The following TOMM34 variants were observed in gnomAD, a reference collection of about 807,000 sequenced individuals.
TOMM34 encodes the protein translocase of outer mitochondrial membrane 34.
A neutral mutation model predicts 37.4 loss-of-function variants in TOMM34; 24 were observed. The ratio of observed to expected loss-of-function variants is 0.64; its 90% CI spans 0.46 to 0.90. The LOEUF (loss-of-function observed/expected upper bound fraction) is 0.90. TOMM34 is among the 40% of genes least tolerant of loss of function. TOMM34 has a pLI of 0.00. For synonymous variants in TOMM34, 154 were observed against 148.9 expected, an observed-to-expected ratio of 1.03 and a Z score of -0.25; for missense variants, 304 against 375.6, an observed-to-expected ratio of 0.81 and a Z score of 1.58.
intron 1 of TOMM34, among the ~76,000 whole-genome samples, chr20:44,958,117 C>CATGTATATATATATAT (rs1568665856): frequency 2.8e-4 from 41 of 146,422 alleles, no homozygotes; most frequent in South Asian, 1.7e-3. Flanking sequence ...TATACATGTA[C>CATGTATATATATATAT]ATGTATATAT....
At chr20:44,958,095 T>TAC (rs2067090097) in intron 1 of TOMM34, among the ~76,000 whole-genome samples, 1 of 112,772 alleles carries the variant, frequency 8.9e-6, no homozygotes. Flanking sequence ...TATATATGTA[T>TAC]ATGTATATAT....
intron 1 of TOMM34, chr20:44,958,487 C>T (rs901991634): frequency 9.1e-6 from 4 of 439,878 alleles, no homozygotes; most frequent in Middle Eastern, 3.4e-4. Context: ...CCCTGCGATC[C>T]GGACAAGTCA....
At chr20:44,949,237 ATAG>A (rs1422390384) in intron 4 of TOMM34, among the ~76,000 whole-genome samples, 1 of 152,228 alleles carries the variant, frequency 6.6e-6, no homozygotes, top group Non-Finnish European at 1.5e-5. Context: ...CACCAATAAA[ATAG>A]GGCAATACTA....
chr20:44,953,283 C>G (rs1302255498), intron 3 of TOMM34, among the ~76,000 whole-genome samples: 1 of 152,246 alleles, frequency 6.6e-6, no homozygotes, highest in East Asian at 1.9e-4. Flanking sequence ...GGCTCCTGAT[C>G]CCACTGACCA....
intron 1 of TOMM34, chr20:44,959,900 C>T (rs2067110232): frequency 4.1e-6 from 4 of 983,118 alleles, no homozygotes; most frequent in Non-Finnish European, 4.8e-6. Flanking sequence ...TCTTGTTACA[C>T]AGGCGGTATA....
At chr20:44,943,689 T>C in intron 5 of TOMM34, 110 bp from the exon 6 acceptor site, 1 of 1,480,866 alleles carries the variant, frequency 6.8e-7, no homozygotes, top group Middle Eastern at 2.4e-4. Flanking sequence ...TACTCTGTGC[T>C]GGTTACTTTA....
chr20:44,957,542 AAAAAG>A (rs2067084829), intron 1 of TOMM34, among the ~76,000 whole-genome samples: 1 of 152,174 alleles, frequency 6.6e-6, no homozygotes, highest in Admixed American at 6.5e-5. Context: ...CCATTATTTT[AAAAAG>A]AATTGAAAAC....
intron 1 of TOMM34, among the ~76,000 whole-genome samples, chr20:44,957,925 G>A (rs1161013459): frequency 6.6e-6 from 1 of 152,134 alleles, no homozygotes; most frequent in Non-Finnish European, 1.5e-5. Flanking sequence ...TTATAGGCAT[G>A]AGCTATGGCA....
intron 4 of TOMM34, among the ~76,000 whole-genome samples, chr20:44,951,181 G>A (rs1052882221): frequency 6.6e-6 from 1 of 152,126 alleles, no homozygotes; most frequent in East Asian, 1.9e-4. Flanking sequence ...AAATATGTGA[G>A]CTAGAGTTTT....
In TOMM34 at chr20:44,959,961, G is replaced by A. The variant is rs2067110760; in HGVS notation, c.127+246C>T. On this transcript the variant is annotated intron_variant, in intron 1 of 6. Transcript: ENST00000372813. Reference sequence around the variant, plus strand: ...TGAAAAATGAATTGCTGCGGGGGAGGAGGGTTTAGCTTTCTTCTCAGGGCT... The same window carrying A: ...TGAAAAATGAATTGCTGCGGGGGAGAAGGGTTTAGCTTTCTTCTCAGGGCT... The A allele has an allele frequency of 2.5e-5, 25 of 985,336 alleles. 1 individual carries two copies. The South Asian group carries it at 1.2e-3, about 46-fold the overall frequency. 61.0% of individuals were successfully genotyped at this position (985,336 alleles called of 1,614,324 possible).
At chr20:44,944,509 T>TG (rs1221546236) in intron 5 of TOMM34, among the ~76,000 whole-genome samples, 1 of 152,198 alleles carries the variant, frequency 6.6e-6, no homozygotes, top group Non-Finnish European at 1.5e-5. Context: ...GATGCCATGA[T>TG]GAACATCCTT....
rs570486829 is a variant in TOMM34 at position 44,942,192 on chromosome 20, G to A, written c.*917C>T. On this transcript the variant is annotated 3_prime_UTR_variant, in exon 7 of 7. Transcript: ENST00000372813. ...AGAGTTCCAGGTGCAAAGCTGAAAA[G>A]GCATAAATGAAAGCACAGCAGATAT... 4.6e-5 allele frequency: 7 copies of A among 152,338 alleles called. No homozygotes were observed. The South Asian group carries it at 6.2e-4, about 14-fold the overall frequency. The allele number at this position is 152,338 out of a possible 1,614,324, so 9.4% of individuals were successfully genotyped here.
intron 2 of TOMM34, 115 bp downstream of exon 2, chr20:44,956,271 A>T: frequency 9.9e-7 from 1 of 1,014,174 alleles, no homozygotes; most frequent in Non-Finnish European, 1.5e-6. Flanking sequence ...ACACTTTCTT[A>T]ATATCTGTCC....
chr20:44,951,793 T>C (rs2067028466), intron 4 of TOMM34, 40 bp downstream of exon 4: 1 of 1,585,396 alleles, frequency 6.3e-7, no homozygotes, highest in Non-Finnish European at 8.6e-7. Flanking sequence ...AAATGGATAG[T>C]GGGAGATTGC....
At chr20:44,958,025 G>A (rs2067089084) in intron 1 of TOMM34, among the ~76,000 whole-genome samples, 1 of 151,802 alleles carries the variant, frequency 6.6e-6, no homozygotes, top group Non-Finnish European at 1.5e-5. Context: ...ACAGAGGCCA[G>A]TACAATCCTG....
At chr20:44,955,516 A>C in intron 2 of TOMM34, 1 of 521,660 alleles carries the variant, frequency 1.9e-6, no homozygotes, top group Non-Finnish European at 3.7e-6. Flanking sequence ...CTTTCATGCT[A>C]CTATGTTTTT....
Position 44,955,157 on chromosome 20 carries a change from A to C in TOMM34, c.291T>G (p.Ala97=), listed in dbSNP as rs762072696. 1 of 1,614,212 alleles carries C rather than the reference A, an allele frequency of 6.2e-7. No individual in the cohort carries two copies. The highest frequency in any genetic ancestry group is 8.5e-7 in the Non-Finnish European group (1 of 1,180,036). The part of the protein sequence containing the change: ...PLLRRASAYE[A]LEKYPMAYVD... ...CATAGGCCATAGGGTACTTCTCCAG[A>C]GCCTCATAAGCAGATGCTCGCCGCA... The change falls in exon 3 of 7, where the codon GCT becomes GCG. Residue 97 remains alanine (A), a synonymous_variant. Transcript: ENST00000372813.
Position 44,943,086 on chromosome 20 carries a change from G to A in TOMM34, c.*23C>T, listed in dbSNP as rs528825457. On this transcript the variant is annotated 3_prime_UTR_variant, in exon 7 of 7. Transcript: ENST00000372813. ...CTTCTCTGGGTAAGGTCAGGCAGGG[G>A]TTCCAGTTGCCCTGTTGGGTTTTTA... 2.0e-4 allele frequency: 328 copies of A among 1,612,410 alleles called. 2 individuals carry two copies. In the South Asian group the frequency reaches 3.3e-3, roughly 16 times the overall value.
chr20:44,955,328 A>C, intron 2 of TOMM34, 108 bp from the exon 3 acceptor site: 1 of 1,426,502 alleles, frequency 7.0e-7, no homozygotes, highest in African/African-American at 1.4e-5. Context: ...ACAGGAAGTA[A>C]TTTCTGGCCG....
Sources: gnomAD v4.1 joint callset for allele counts (sites outside exome capture counted in the v4.1 genomes callset) on GRCh38, gnomAD v4.1.1 for gene constraint, MANE v1.5 for transcripts, NCBI Gene and HGNC (gene_info 2026-07-23, HGNC 2026-07-21) for gene names.